DGKG: variants seen among roughly 807,000 people sequenced by gnomAD.
DGKG encodes the protein diacylglycerol kinase gamma.
In DGKG, 78 loss-of-function variants were observed where a neutral mutation model predicts 105.3. That is an observed-to-expected ratio of 0.74 (90% CI 0.62 to 0.89). The LOEUF is 0.89. DGKG is among the 40% of genes least tolerant of loss of function. The probability of loss-of-function intolerance (pLI) is 0.00; values close to 1 mark genes in which losing one functional copy is unlikely to be tolerated. For synonymous variants in DGKG, 346 were observed against 367.1 expected (o/e 0.94, Z 0.66); for missense variants, 958 against 1,020.1 (o/e 0.94, Z 0.83).
intron 5 of DGKG, among the ~76,000 whole-genome samples, chr3:186,296,687 C>A (rs1471794844): frequency 6.6e-6 from 1 of 152,218 alleles, no homozygotes; most frequent in Admixed American, 6.5e-5. Context: ...TCCTCTCTCT[C>A]TATAGGAAAG....
intron 20 of DGKG, among the ~76,000 whole-genome samples, chr3:186,215,672 G>A (rs73180318): frequency 0.014 from 2,133 of 152,018 alleles, 17 homozygotes; most frequent in Non-Finnish European, 0.021. Context: ...AGAGAAGAGT[G>A]GGGGAGACTC....
rs549881049 is a variant in DGKG at position 186,212,099 on chromosome 3, AC to A, written c.1827-215del. Among the ~76,000 whole-genome samples the A allele has an allele frequency of 1.0e-3, 153 of 152,326 alleles. 1 individual carries two copies. Among genetic ancestry groups the A allele is most frequent in the African/African-American group, 3.3e-3 (136 of 41,566 alleles). ...AAAATCCACTTATTTCTTAGACATC[AC>A]GGCAACCCTGGGTGAACTACCAACT... is the stretch of plus-strand genomic sequence containing the variant. On this transcript the variant is annotated intron_variant, in intron 20 of 24. Coordinates refer to ENST00000265022, the MANE Select transcript of DGKG (RefSeq NM_001346.3).
At chr3:186,309,140 G>A (rs531336380) in intron 2 of DGKG, among the ~76,000 whole-genome samples, 6 of 152,262 alleles carry the variant, frequency 3.9e-5, no homozygotes, top group African/African-American at 1.4e-4. Flanking sequence ...TTGGGAAGAA[G>A]AAAAATTAAG....
At chr3:186,333,767 C>T (rs1230719252) in intron 1 of DGKG, among the ~76,000 whole-genome samples, 2 of 152,156 alleles carry the variant, frequency 1.3e-5, no homozygotes, top group East Asian at 3.8e-4. Flanking sequence ...TTGCAGAGCC[C>T]TGGGCATGAG....
intron 22 of DGKG, among the ~76,000 whole-genome samples, chr3:186,173,391 G>A (rs1033029175): frequency 1.3e-5 from 2 of 152,246 alleles, no homozygotes; most frequent in African/African-American, 2.4e-5. Context: ...CAAGCGCTGG[G>A]TGTGTGTGGG....
intron 10 of DGKG, among the ~76,000 whole-genome samples, chr3:186,272,685 T>C (rs1192926076): frequency 3.9e-5 from 6 of 152,206 alleles, no homozygotes; most frequent in African/African-American, 7.2e-5. Context: ...CTGTATTGCA[T>C]GCCCGGGACA....
chr3:186,305,115 A>C (rs1372046619), intron 3 of DGKG, among the ~76,000 whole-genome samples: 1 of 152,246 alleles, frequency 6.6e-6, no homozygotes, highest in Non-Finnish European at 1.5e-5. Flanking sequence ...GTGAACAAAA[A>C]TATGCTAGTG....
intron 1 of DGKG, among the ~76,000 whole-genome samples, chr3:186,349,161 T>C (rs1194880116): frequency 6.6e-6 from 1 of 152,170 alleles, no homozygotes; most frequent in Non-Finnish European, 1.5e-5. Flanking sequence ...AGCCTTGACC[T>C]TCTGGGCTTA....
In DGKG at chr3:186,162,791, C is replaced by T. The variant is rs541589016; in HGVS notation, c.2217-1128G>A. Among the ~76,000 whole-genome samples the T allele has an allele frequency of 8.5e-5, 13 of 152,250 alleles. No homozygotes were observed. The South Asian group carries it at 2.3e-3, about 27-fold the overall frequency. On this transcript the variant is annotated intron_variant, in intron 23 of 24. Coordinates refer to ENST00000265022, the MANE Select transcript of DGKG (RefSeq NM_001346.3). ...TCTCCTGACCTCGTGATCTGCCTGC[C>T]TTGGCCTCCCAAAGTGCTGGGATTA... is the stretch of plus-strand genomic sequence containing the variant.
chr3:186,295,179 A>G (rs1723489267), intron 5 of DGKG, among the ~76,000 whole-genome samples: 1 of 152,208 alleles, frequency 6.6e-6, no homozygotes, highest in Non-Finnish European at 1.5e-5. Context: ...CTTCAGCTGT[A>G]GTACCTCTAA....
At chr3:186,251,652 G>T (rs555506159) in intron 19 of DGKG, 107 bp downstream of exon 19, 1 of 1,302,186 alleles carries the variant, frequency 7.7e-7, no homozygotes, top group Non-Finnish European at 1.1e-6. Context: ...GGCTGGGGGG[G>T]CAGGTAAGAC....
intron 1 of DGKG, among the ~76,000 whole-genome samples, chr3:186,345,954 C>T (rs1045243032): frequency 6.6e-6 from 1 of 151,884 alleles, no homozygotes; most frequent in Non-Finnish European, 1.5e-5. Flanking sequence ...TTTTTAATAG[C>T]GATGGGGTTT....
intron 20 of DGKG, among the ~76,000 whole-genome samples, chr3:186,236,723 A>G (rs9864614): frequency 0.019 from 2,821 of 152,350 alleles, 86 homozygotes; most frequent in African/African-American, 0.064. Context: ...GAACCTGTTA[A>G]TTAGTCAAGG....
chr3:186,353,693 T>TCTATAA lies in DGKG; in HGVS notation c.-249+8252_-249+8253insTTATAG, dbSNP rs1560169631. On this transcript the variant is annotated intron_variant, in intron 1 of 24. Transcript: ENST00000265022. ...ATCTATATCTATATCTATATCTATA[T>TCTATAA]CTATATCTATATAACAGTGGACTCT... is the stretch of plus-strand genomic sequence containing the variant. Among the ~76,000 whole-genome samples, 491 of 123,420 alleles carry TCTATAA rather than the reference T, an allele frequency of 4.0e-3. 3 individuals carry two copies. The highest frequency in any genetic ancestry group is 0.014 in the African/African-American group (471 of 33,106). 81.0% of individuals were successfully genotyped at this position (123,420 alleles called of 152,430 possible). A position where few individuals can be genotyped will look rare whatever the true frequency, so the allele number is the denominator to read the frequency against.
chr3:186,287,908 T>G (rs946617556), intron 6 of DGKG, among the ~76,000 whole-genome samples: 1 of 152,254 alleles, frequency 6.6e-6, no homozygotes, highest in South Asian at 2.1e-4. Flanking sequence ...TTCCCCTTAC[T>G]GTCTACTTAA....
At chr3:186,165,944 G>C (rs1716521927) in intron 22 of DGKG, among the ~76,000 whole-genome samples, 1 of 152,222 alleles carries the variant, frequency 6.6e-6, no homozygotes, top group South Asian at 2.1e-4. Flanking sequence ...TTTCTCATAA[G>C]TTGTGGCTAA....
chr3:186,274,748 T>G (rs1031864161), intron 10 of DGKG, among the ~76,000 whole-genome samples: 1 of 152,172 alleles, frequency 6.6e-6, no homozygotes, highest in Non-Finnish European at 1.5e-5. Context: ...TAGTATTCTA[T>G]GGTATATATG....
At chr3:186,352,625 C>T (rs1490531616) in intron 1 of DGKG, among the ~76,000 whole-genome samples, 1 of 152,234 alleles carries the variant, frequency 6.6e-6, no homozygotes, top group African/African-American at 2.4e-5. Context: ...ACTATCTTCC[C>T]AGGTGTAGGA....
intron 3 of DGKG, among the ~76,000 whole-genome samples, chr3:186,305,540 A>T (rs1724193804): frequency 6.6e-6 from 1 of 151,978 alleles, no homozygotes; most frequent in African/African-American, 2.4e-5. Flanking sequence ...ACCATGGGAG[A>T]TTGTGGAGTA....
Sources: gnomAD v4.1 joint callset for allele counts (sites outside exome capture counted in the v4.1 genomes callset) on GRCh38, gnomAD v4.1.1 for gene constraint, MANE v1.5 for transcripts, NCBI Gene and HGNC (gene_info 2026-07-23, HGNC 2026-07-21) for gene names.